CCDC171: variants seen among roughly 807,000 people sequenced by gnomAD.
CCDC171 encodes the protein coiled-coil domain containing 171, also known as coiled-coil domain-containing protein 171.
Under a neutral mutation model 168.2 loss-of-function variants are expected in CCDC171, and 177 were observed. The observed-to-expected ratio is 1.05, with a 90% CI of 0.93 to 1.19. CCDC171 has a LOEUF of 1.19. Ranked by LOEUF, CCDC171 falls within the 50% of genes most tolerant of loss-of-function variation. The pLI, the probability that CCDC171 is intolerant of heterozygous loss-of-function variation, is 0.00. For synonymous variants in CCDC171, 687 were observed against 540.8 expected (o/e 1.27, Z -3.75); for missense variants, 1,991 against 1,539.0 (o/e 1.29, Z -4.91).
chr9:15,645,771 T>C (rs2046986042), intron 7 of CCDC171, among the ~76,000 whole-genome samples: 3 of 152,190 alleles, frequency 2.0e-5, no homozygotes, highest in Admixed American at 1.3e-4. Flanking sequence ...CTACGTCTGA[T>C]TGGTGTACCT....
At chr9:15,646,207 T>G (rs2047022035) in intron 7 of CCDC171, among the ~76,000 whole-genome samples, 1 of 152,200 alleles carries the variant, frequency 6.6e-6, no homozygotes, top group Admixed American at 6.5e-5. Context: ...TGAGAGATTT[T>G]GTCACCACCA....
chr9:16,024,264 A>G (rs1002161126), intron 6 of CCDC171, among the ~76,000 whole-genome samples: 3 of 152,174 alleles, frequency 2.0e-5, no homozygotes, highest in Admixed American at 6.5e-5. Context: ...ACTTACAGTA[A>G]TTTGTTACAA....
intron 21 of CCDC171, among the ~76,000 whole-genome samples, chr9:15,809,242 G>C (rs2059218993): frequency 6.6e-6 from 1 of 152,182 alleles, no homozygotes; most frequent in Non-Finnish European, 1.5e-5. Context: ...TATTTGCAAT[G>C]AATAGTATTT....
chr9:15,992,261 C>G (rs1832226014), intron 3 of CCDC171, among the ~76,000 whole-genome samples: 1 of 152,142 alleles, frequency 6.6e-6, no homozygotes, highest in Admixed American at 6.5e-5. Flanking sequence ...CCCTGGGATG[C>G]AAGGCTTGTA....
chr9:16,048,536 T>G (rs952375881), intron 1 of CCDC171, among the ~76,000 whole-genome samples: 1 of 152,216 alleles, frequency 6.6e-6, no homozygotes, highest in Non-Finnish European at 1.5e-5. Flanking sequence ...CCTGTGCCCC[T>G]TATCTTTTAG....
At chr9:16,065,071 T>A (rs537238264), downstream of CCDC171, among the ~76,000 whole-genome samples, 1 of 152,346 alleles carries the variant, frequency 6.6e-6, no homozygotes, top group Non-Finnish European at 1.5e-5. Context: ...GTGGGGGTGA[T>A]GCAATGCAGG....
At chr9:15,710,732 A>C (rs1364759208) in intron 11 of CCDC171, among the ~76,000 whole-genome samples, 1 of 152,028 alleles carries the variant, frequency 6.6e-6, no homozygotes, top group African/African-American at 2.4e-5. Context: ...CGTACCTGAG[A>C]CTACAGGTGT....
chr9:15,827,879 T>C (rs16933653), intron 21 of CCDC171, among the ~76,000 whole-genome samples: 2,301 of 152,258 alleles, frequency 0.015, 56 homozygotes, highest in African/African-American at 0.052. Context: ...GAATTCTCCA[T>C]ACCCGATCTG....
At chr9:15,627,938 T>C (rs1403884947) in intron 7 of CCDC171, among the ~76,000 whole-genome samples, 1 of 152,114 alleles carries the variant, frequency 6.6e-6, no homozygotes, top group Non-Finnish European at 1.5e-5. Context: ...CCCATTATTA[T>C]TGTGTGGGAG....
intron 4 of CCDC171, among the ~76,000 whole-genome samples, chr9:15,579,322 A>G (rs1255980993): frequency 3.9e-5 from 6 of 152,156 alleles, no homozygotes; most frequent in Non-Finnish European, 8.8e-5. Context: ...TCACAAAGGG[A>G]TTTTTGTTTG....
chr9:15,758,899 GAACTATAAGTGCAATA>G (rs1344700478), intron 18 of CCDC171, among the ~76,000 whole-genome samples: 5 of 152,114 alleles, frequency 3.3e-5, no homozygotes. Flanking sequence ...CAGCCATGTG[GAACTATAAGTGCAATA>G]AACCTCTTTC....
downstream of CCDC171, among the ~76,000 whole-genome samples, chr9:15,977,567 C>A (rs758614986): frequency 2.0e-5 from 3 of 152,156 alleles, no homozygotes; most frequent in Non-Finnish European, 4.4e-5. Context: ...TTGAAAACTA[C>A]TGGGTTAATG....
At chr9:15,700,520 A>G (rs2051640234) in intron 11 of CCDC171, among the ~76,000 whole-genome samples, 1 of 152,240 alleles carries the variant, frequency 6.6e-6, no homozygotes, top group South Asian at 2.1e-4. Context: ...GGGCTCCTTA[A>G]GTGCCGCCAA....
chr9:16,063,700 A>G (rs1400757408), downstream of CCDC171, among the ~76,000 whole-genome samples: 1 of 152,176 alleles, frequency 6.6e-6, no homozygotes, highest in Non-Finnish European at 1.5e-5. Context: ...TCCTCATGAC[A>G]ATGCCTTTTG....
chr9:15,740,444 T>C (rs934215097), intron 16 of CCDC171, among the ~76,000 whole-genome samples: 1 of 151,908 alleles, frequency 6.6e-6, no homozygotes, highest in Non-Finnish European at 1.5e-5. Flanking sequence ...TTTGTGTGTG[T>C]GTGTGTGTGA....
At chr9:16,103,442 GA>G in the CCDC171 span, among the ~76,000 whole-genome samples, 1 of 152,218 alleles carries the variant, frequency 6.6e-6, no homozygotes, top group African/African-American at 2.4e-5. Flanking sequence ...ACTTGTCTGT[GA>G]AAATGCTTTG....
At chr9:15,679,812 G>A (rs976202374) in intron 10 of CCDC171, among the ~76,000 whole-genome samples, 3 of 152,182 alleles carry the variant, frequency 2.0e-5, no homozygotes, top group African/African-American at 7.2e-5. Context: ...GCCTCCCAAA[G>A]TGCTGGGATT....
intron 24 of CCDC171, among the ~76,000 whole-genome samples, chr9:15,912,373 T>C (rs200776371): frequency 6.6e-6 from 1 of 152,104 alleles, no homozygotes; most frequent in South Asian, 2.1e-4. Context: ...GTATAGGAAT[T>C]CTTGTGATTT....
chr9:15,778,885 A>T, intron 19 of CCDC171, 83 bp from the exon 20 acceptor site: 1 of 1,008,896 alleles, frequency 9.9e-7, no homozygotes, highest in Non-Finnish European at 1.3e-6. Flanking sequence ...AATCTAAGTT[A>T]CATTTAATTT....
Sources: allele counts gnomAD v4.1 joint callset (sites outside exome capture counted in the v4.1 genomes callset), GRCh38; gene constraint gnomAD v4.1.1; transcripts MANE v1.5; gene names NCBI Gene and HGNC (gene_info 2026-07-23, HGNC 2026-07-21).